VWDE: variants seen among roughly 807,000 people sequenced by gnomAD.
VWDE encodes von Willebrand factor D and EGF domains, also known as von Willebrand factor D and EGF domain-containing protein.
In VWDE, 207 loss-of-function variants were observed where a neutral mutation model predicts 178.4. The ratio of observed to expected loss-of-function variants is 1.16; its 90% CI spans 1.04 to 1.30. VWDE has a LOEUF of 1.30. Among genes scored for constraint, VWDE ranks in the 50% most tolerant of loss-of-function variants. VWDE has a pLI of 0.00. For missense variants in VWDE, 2,287 were observed against 1,901.3 expected (o/e 1.20, Z -3.77); for synonymous variants, 738 against 651.4 (o/e 1.13, Z -2.02).
At position 12,380,683 on chromosome 7, in the gene VWDE, G is replaced by A. The variant is rs761245022; in HGVS notation, c.592C>T (p.Leu198=). 2.6e-6 allele frequency: 4 copies of A among 1,551,992 alleles called. 1 individual carries two copies. The South Asian group carries it at 4.8e-5, about 18-fold the overall frequency. Residue 198 remains leucine (L), a synonymous_variant, in exon 5 of 29, where the codon CTG becomes TTG. Transcript: ENST00000275358. ...PPPPAGRPEV[L]VELIESRLFC... is the part of the protein sequence containing the mutation. ...AGCCTGGACTCAATCAACTCCACCA[G>A]AACCTCTGGCCTTCCTGCAGGTGGA...
chr7:12,395,555 C>G (rs1345792952), intron 1 of VWDE, among the ~76,000 whole-genome samples: 1 of 152,054 alleles, frequency 6.6e-6, no homozygotes, highest in Non-Finnish European at 1.5e-5. Context: ...GAAATCACTA[C>G]TTGACATCAA....
At chr7:12,385,804 A>G (rs1033353264) in intron 3 of VWDE, among the ~76,000 whole-genome samples, 2 of 39,638 alleles carry the variant, frequency 5.0e-5, no homozygotes, top group African/African-American at 2.3e-4. Flanking sequence ...CATTAAGAGT[A>G]AAAAAATAAC....
rs1783459238 is a variant in VWDE at position 12,375,238 on chromosome 7, A to G, written c.1025-11T>C. On this transcript the variant is annotated splice_polypyrimidine_tract_variant and intron_variant, in intron 7 of 28. Coordinates refer to ENST00000275358, the MANE Select transcript of VWDE (RefSeq NM_001135924.3). ...CTAGGTGCTCTCTACCTATTTAATG[A>G]AAAAATAGGTTTAAAAATTTCCAAG... 2 of 1,544,980 alleles carry G rather than the reference A, an allele frequency of 1.3e-6. No individual in the cohort carries two copies. The highest frequency in any genetic ancestry group is 8.8e-7 in the Non-Finnish European group (1 of 1,142,260).
intron 2 of VWDE, 65 bp downstream of exon 2, chr7:12,393,529 G>A: frequency 7.6e-7 from 1 of 1,316,230 alleles, no homozygotes; most frequent in Non-Finnish European, 1.0e-6. Context: ...GTGGTAAAAA[G>A]ATACAATTCT....
intron 13 of VWDE, among the ~76,000 whole-genome samples, chr7:12,361,824 A>G (rs1782596820): frequency 6.6e-6 from 1 of 152,018 alleles, no homozygotes; most frequent in Non-Finnish European, 1.5e-5. Context: ...AGCAAAACAC[A>G]CTTGACTATA....
At chr7:12,385,883 T>C (rs1482900989) in intron 3 of VWDE, among the ~76,000 whole-genome samples, 1 of 152,176 alleles carries the variant, frequency 6.6e-6, no homozygotes, top group Non-Finnish European at 1.5e-5. Context: ...TGAGGTACTT[T>C]TGAGTGTTCT....
chr7:12,381,189 G>A (rs185763500), intron 4 of VWDE, among the ~76,000 whole-genome samples: 1 of 152,260 alleles, frequency 6.6e-6, no homozygotes, highest in African/African-American at 2.4e-5. Flanking sequence ...TGGGCTGAAA[G>A]AGTTATTCAT....
chr7:12,359,072 C>T (rs1158964179), intron 16 of VWDE, among the ~76,000 whole-genome samples: 1 of 152,092 alleles, frequency 6.6e-6, no homozygotes, highest in African/African-American at 2.4e-5. Context: ...ATTTGGACAC[C>T]TATATGGAAC....
chr7:12,332,099 C>A (rs922151356), intron 28 of VWDE, among the ~76,000 whole-genome samples: 1 of 151,788 alleles, frequency 6.6e-6, no homozygotes, highest in African/African-American at 2.4e-5. Context: ...CTATGGATAC[C>A]CATGGATGGT....
chr7:12,333,087 A>T (rs1266820084), intron 28 of VWDE, among the ~76,000 whole-genome samples: 1 of 152,192 alleles, frequency 6.6e-6, no homozygotes, highest in African/African-American at 2.4e-5. Context: ...GAGACAAAAC[A>T]CAATGCAGTT....
chr7:12,357,646 A>AT (rs375444841), intron 16 of VWDE, 131 bp from the exon 17 acceptor site: 20,708 of 814,402 alleles, frequency 0.025, 28 homozygotes, highest in Middle Eastern at 0.04. Context: ...AGCTGCTTTC[A>AT]TTTTTTTTTT....
At chr7:12,355,634 G>C (rs185215123) in intron 18 of VWDE, among the ~76,000 whole-genome samples, 1 of 152,006 alleles carries the variant, frequency 6.6e-6, no homozygotes, top group African/African-American at 2.4e-5. Context: ...ATTTATTTCC[G>C]TAATCACACA....
Position 12,389,197 on chromosome 7 carries a change from T to C in VWDE, c.405A>G (p.Val135=), listed in dbSNP as rs1472595068. ...ATACAGAAAAGTTCCCACAGTTTCTTACAGACACTGGGATTTGAAAGAGAC... is the reference window on the plus strand; with the variant it reads ...ATACAGAAAAGTTCCCACAGTTTCTCACAGACACTGGGATTTGAAAGAGAC... ...DCCLFQIPVS[V]RNCGNFSVYL... Residue 135 remains valine (V), a synonymous_variant, in exon 3 of 29, where the codon GTA becomes GTG. Coordinates refer to ENST00000275358, the MANE Select transcript of VWDE (RefSeq NM_001135924.3). 2.6e-6 allele frequency: 4 copies of C among 1,551,744 alleles called. No homozygotes were observed. The African/African-American group carries it at 4.1e-5, about 16-fold the overall frequency.
chr7:12,357,187 G>T, intron 17 of VWDE, 78 bp downstream of exon 17: 2 of 1,484,460 alleles, frequency 1.3e-6, no homozygotes, highest in African/African-American at 2.8e-5. Flanking sequence ...CTAGCAATAT[G>T]GCTTGTATTT....
chr7:12,392,833 G>C (rs1307890209), intron 2 of VWDE, among the ~76,000 whole-genome samples: 1 of 149,104 alleles, frequency 6.7e-6, no homozygotes, highest in Non-Finnish European at 1.5e-5. Context: ...CACATCCGAT[G>C]TGAGTTCATG....
At chr7:12,388,458 G>C (rs1018153690) in intron 3 of VWDE, among the ~76,000 whole-genome samples, 1 of 152,032 alleles carries the variant, frequency 6.6e-6, no homozygotes, top group Non-Finnish European at 1.5e-5. Flanking sequence ...CAAAATGAGG[G>C]AAGTTATTCA....
intron 1 of VWDE, among the ~76,000 whole-genome samples, chr7:12,395,465 G>C (rs1784578126): frequency 6.6e-6 from 1 of 152,044 alleles, no homozygotes; most frequent in African/African-American, 2.4e-5. Flanking sequence ...CAGCACCTTT[G>C]TAGTTCTTAC....
chr7:12,354,089 C>T (rs1782091017), intron 18 of VWDE: 1 of 175,372 alleles, frequency 5.7e-6, no homozygotes, highest in Non-Finnish European at 1.2e-5. Flanking sequence ...TTCCTACTAG[C>T]CCTTTTGTGA....
intron 13 of VWDE, among the ~76,000 whole-genome samples, chr7:12,367,150 T>C (rs1404937974): frequency 1.3e-5 from 2 of 152,044 alleles, no homozygotes; most frequent in Non-Finnish European, 2.9e-5. Flanking sequence ...AGTGAGCCGA[T>C]ACTTCAATAA....
Sources: allele counts gnomAD v4.1 joint callset (sites outside exome capture counted in the v4.1 genomes callset), GRCh38; gene constraint gnomAD v4.1.1; transcripts MANE v1.5; gene names NCBI Gene and HGNC (gene_info 2026-07-23, HGNC 2026-07-21).